The following NINL variants were observed in gnomAD, a reference collection of about 807,000 sequenced individuals.
NINL encodes ninein like, also known as ninein-like protein.
A neutral mutation model predicts 160.3 loss-of-function variants in NINL; 153 were observed. The observed-to-expected ratio is 0.95, with a 90% confidence interval of 0.84 to 1.09. The LOEUF (loss-of-function observed/expected upper bound fraction) is 1.09. Ranked by LOEUF, NINL falls within the 50% of genes least tolerant of loss-of-function variation. The probability of loss-of-function intolerance (pLI) is 0.00; values close to 1 mark genes in which losing one functional copy is unlikely to be tolerated. For missense variants in NINL, 1,829 were observed against 1,764.0 expected (o/e 1.04, Z -0.66); for synonymous variants, 800 against 734.8 (o/e 1.09, Z -1.43).
At chr20:25,545,988 AT>A (rs67346359) in intron 1 of NINL, among the ~76,000 whole-genome samples, 4 of 147,450 alleles carry the variant, frequency 2.7e-5, no homozygotes, top group Admixed American at 6.7e-5. Flanking sequence ...TTTTGTTTTT[AT>A]TTTTTTTTTT....
In NINL at chr20:25,510,734, TGGGACTCTGTA is replaced by T. The variant is rs757259288; in HGVS notation, c.451-5_456del. Reference sequence around the variant, plus strand: ...GTGCTCTCGGCCTCTTCATCTGACTTGGGACTCTGTAGAAAGATGCAGAGAGAAGGCTGTGA... The same window carrying T: ...GTGCTCTCGGCCTCTTCATCTGACTTGAAAGATGCAGAGAGAAGGCTGTGA... On this transcript the variant is annotated splice_acceptor_variant and splice_polypyrimidine_tract_variant and coding_sequence_variant and intron_variant, in exon 5 of 24. Coordinates refer to ENST00000278886, the MANE Select transcript of NINL (RefSeq NM_025176.6). LOFTEE classifies it high-confidence loss of function. 6 of 1,613,034 alleles carry T rather than the reference TGGGACTCTGTA, an allele frequency of 3.7e-6. No homozygotes were observed. In the East Asian group the frequency reaches 1.3e-4, roughly 36 times the overall value.
chr20:25,537,948 G>C (rs913790), intron 1 of NINL, among the ~76,000 whole-genome samples: 147,897 of 152,272 alleles, frequency 0.97, 71,976 homozygotes, highest in Non-Finnish European at 1. Flanking sequence ...TCTCCCTCCC[G>C]CTTTCTCAGG....
chr20:25,483,712 A>G (rs2063448131), intron 13 of NINL, among the ~76,000 whole-genome samples: 1 of 152,274 alleles, frequency 6.6e-6, no homozygotes, highest in African/African-American at 2.4e-5. Context: ...TTGTGCTCCC[A>G]CTTTAATGAA....
At chr20:25,574,664 TC>T (rs2065094597) in intron 1 of NINL, among the ~76,000 whole-genome samples, 1 of 152,156 alleles carries the variant, frequency 6.6e-6, no homozygotes, top group African/African-American at 2.4e-5. Flanking sequence ...AGGTTTCTGT[TC>T]CTTGAGGGAG....
At chr20:25,575,770 A>C (rs2065108712) in intron 1 of NINL, among the ~76,000 whole-genome samples, 1 of 152,114 alleles carries the variant, frequency 6.6e-6, no homozygotes, top group Non-Finnish European at 1.5e-5. Context: ...ACAACAAAAA[A>C]AAAAACTTGT....
chr20:25,458,830 G>A, intron 21 of NINL: 1 of 380,318 alleles, frequency 2.6e-6, no homozygotes. Flanking sequence ...AGCTTCCAGT[G>A]AACCTTGCTG....
chr20:25,540,472 G>C (rs1010136812), intron 1 of NINL, among the ~76,000 whole-genome samples: 7 of 152,116 alleles, frequency 4.6e-5, no homozygotes, highest in South Asian at 2.1e-4. Context: ...ACAGTGACGA[G>C]GGAATTTAAG....
At chr20:25,560,736 A>C (rs2064924246) in intron 1 of NINL, among the ~76,000 whole-genome samples, 1 of 152,012 alleles carries the variant, frequency 6.6e-6, no homozygotes, top group Admixed American at 6.5e-5. Context: ...TTCTAACCAC[A>C]ACCCCTCAAA....
At chr20:25,457,178 G>C (rs2090707737) in intron 22 of NINL, among the ~76,000 whole-genome samples, 1 of 151,470 alleles carries the variant, frequency 6.6e-6, no homozygotes, top group African/African-American at 2.4e-5. Context: ...CAAAAAATTA[G>C]CTGGGCATGG....
At chr20:25,517,914 C>G (rs1391275237) in intron 2 of NINL, 65 bp from the exon 3 acceptor site, 13 of 1,006,452 alleles carry the variant, frequency 1.3e-5, no homozygotes, top group Non-Finnish European at 1.8e-5. Context: ...TCAAAAGTGA[C>G]TCTTTTGGAT....
intron 1 of NINL, among the ~76,000 whole-genome samples, chr20:25,573,650 G>T (rs2065080673): frequency 6.6e-6 from 1 of 152,202 alleles, no homozygotes; most frequent in African/African-American, 2.4e-5. Flanking sequence ...GCAATCTGAG[G>T]AGCCCATTGA....
At chr20:25,524,589 G>A (rs2064322079) in intron 2 of NINL, among the ~76,000 whole-genome samples, 1 of 152,196 alleles carries the variant, frequency 6.6e-6, no homozygotes, top group Non-Finnish European at 1.5e-5. Flanking sequence ...CATCTCAGAT[G>A]AGCCGCTTTT....
chr20:25,501,313 G>A (rs2063863081), intron 7 of NINL, among the ~76,000 whole-genome samples: 1 of 152,256 alleles, frequency 6.6e-6, no homozygotes, highest in African/African-American at 2.4e-5. Context: ...TCATCACTTG[G>A]AGAGGGACGA....
At chr20:25,521,464 C>A (rs1271999707) in intron 2 of NINL, among the ~76,000 whole-genome samples, 1 of 152,198 alleles carries the variant, frequency 6.6e-6, no homozygotes, top group Non-Finnish European at 1.5e-5. Context: ...TCTTGCTCAT[C>A]TGTCTTGTTT....
At chr20:25,550,083 A>C (rs541214779) in intron 1 of NINL, among the ~76,000 whole-genome samples, 1 of 152,374 alleles carries the variant, frequency 6.6e-6, no homozygotes, top group South Asian at 2.1e-4. Flanking sequence ...CATTACGTTT[A>C]CTTAAAGAAA....
chr20:25,536,296 T>C (rs769611794), intron 1 of NINL, among the ~76,000 whole-genome samples: 10 of 152,140 alleles, frequency 6.6e-5, no homozygotes, highest in Non-Finnish European at 1.3e-4. Context: ...AGGCCAGGGA[T>C]GGGAGGTGAC....
chr20:25,461,451 C>A, intron 21 of NINL, 71 bp downstream of exon 21: 1 of 904,708 alleles, frequency 1.1e-6, no homozygotes, highest in Non-Finnish European at 1.7e-6. Flanking sequence ...CTGGCAACAC[C>A]GTTGGCACTG....
Position 25,491,434 on chromosome 20 carries a change from G to C in NINL, c.1402C>G (p.Gln468Glu). ...ACGTCCCACTCCAGCGCGGCCCTCTGCCTGTGGGCCTGCTCCCAGAACAGC... is the reference window on the plus strand; with the variant it reads ...ACGTCCCACTCCAGCGCGGCCCTCTCCCTGTGGGCCTGCTCCCAGAACAGC... ...RELFWEQAHRQRAALEWDVGR... is the reference protein window; with the variant it reads ...RELFWEQAHRERAALEWDVGR... Residue 468 changes from glutamine to glutamate, a missense_variant, in exon 11 of 24, where the codon CAG (glutamine) becomes GAG (glutamate). Coordinates refer to ENST00000278886, the MANE Select transcript of NINL (RefSeq NM_025176.6). The C allele has an allele frequency of 6.2e-7, 1 of 1,613,800 alleles. No individual in the cohort carries two copies. Among genetic ancestry groups the C allele is most frequent in the Non-Finnish European group, 8.5e-7 (1 of 1,180,012 alleles).
At chr20:25,460,720 C>T (rs943532886) in intron 21 of NINL, among the ~76,000 whole-genome samples, 4 of 152,168 alleles carry the variant, frequency 2.6e-5, no homozygotes, top group Admixed American at 2.6e-4. Flanking sequence ...CCCCTCTGTG[C>T]CTCAGGACGT....
Sources: gnomAD v4.1 joint callset for allele counts (sites outside exome capture counted in the v4.1 genomes callset) on GRCh38, gnomAD v4.1.1 for gene constraint, MANE v1.5 for transcripts, NCBI Gene and HGNC (gene_info 2026-07-23, HGNC 2026-07-21) for gene names.